Variants in RERE observed in about 807,000 individuals in gnomAD.
The protein encoded by RERE is arginine-glutamic acid dipeptide repeats protein.
In RERE, 40 loss-of-function variants were observed where a neutral mutation model predicts 146.1. The ratio of observed to expected loss-of-function variants is 0.27; its 90% CI spans 0.21 to 0.36. RERE has a LOEUF of 0.36. RERE is among the 10% of genes least tolerant of loss of function. The probability of loss-of-function intolerance (pLI) is 1.00; values close to 1 mark genes in which losing one functional copy is unlikely to be tolerated. For missense variants in RERE, 1,933 were observed against 2,138.7 expected (o/e 0.90, Z 1.90); for synonymous variants, 1,003 against 866.0 (o/e 1.16, Z -2.78).
chr1:8,522,873 C>CAA lies in RERE; in HGVS notation c.831-14200_831-14199dup, dbSNP rs375276358. ...GGGCAACAAGAGCGAGACTCCGTCT[C>CAA]AAAAAAAAAAAAAGAATGAAGTGTC... On this transcript the variant is annotated intron_variant, in intron 7 of 22. Coordinates refer to ENST00000400908, the MANE Select transcript of RERE (RefSeq NM_001042681.2). Among the ~76,000 whole-genome samples the CAA allele has an allele frequency of 2.7e-3, 343 of 127,588 alleles. 2 individuals carry two copies. The highest frequency in any genetic ancestry group is 9.3e-3 in the African/African-American group (326 of 34,894). The allele number at this position is 127,588 out of a possible 152,430, so 83.7% of individuals were successfully genotyped here. A position where few individuals can be genotyped will look rare whatever the true frequency, so the allele number is the denominator to read the frequency against.
chr1:8,680,924 C>T lies in RERE; in HGVS notation c.-144-24483G>A, dbSNP rs78132461. On this transcript the variant is annotated intron_variant, in intron 1 of 22. Coordinates refer to ENST00000400908, the MANE Select transcript of RERE (RefSeq NM_001042681.2). ...GCTTACCACTAATATGGGTCAATCT[C>T]GCAGGAATACTTGCAAAAATAAAAA... 7.9e-3 allele frequency among the ~76,000 whole-genome samples: 1,196 copies of T among 152,204 alleles called. 14 individuals carry two copies. The highest frequency in any genetic ancestry group is 0.027 in the African/African-American group (1,139 of 41,536).
Position 8,365,825 on chromosome 1 carries a change from C to A in RERE, c.1434G>T (p.Pro478=), listed in dbSNP as rs139440766. 3 of 1,614,094 alleles carry A rather than the reference C, an allele frequency of 1.9e-6. No homozygotes were observed. Among genetic ancestry groups the A allele is most frequent in the South Asian group, 2.2e-5 (2 of 91,078 alleles). The change falls in exon 13 of 23, where the codon CCG becomes CCT. Residue 478 remains proline, a synonymous_variant. Transcript: ENST00000400908. The part of the protein sequence containing the change: ...STPVNTPSRP[P]SSEFLDLSSA... ...ACCCCTACTCACAGAATTCACTGGA[C>A]GGGGGTCTGGAGGGTGTGTTGACGG...
intron 12 of RERE, among the ~76,000 whole-genome samples, chr1:8,398,509 T>C (rs907074751): frequency 2.0e-5 from 3 of 152,242 alleles, no homozygotes; most frequent in Non-Finnish European, 2.9e-5. Flanking sequence ...ACAACGACCA[T>C]CTCTACAATT....
chr1:8,673,897 G>A (rs1638776992), intron 1 of RERE, among the ~76,000 whole-genome samples: 1 of 152,108 alleles, frequency 6.6e-6, no homozygotes, highest in Non-Finnish European at 1.5e-5. Flanking sequence ...TGGGCACCTG[G>A]TGGCAAAGGC....
chr1:8,671,491 C>A (rs988010713), intron 1 of RERE, among the ~76,000 whole-genome samples: 1 of 152,090 alleles, frequency 6.6e-6, no homozygotes, highest in Non-Finnish European at 1.5e-5. Flanking sequence ...GATGGAAACA[C>A]CTCCCCCTGC....
intron 1 of RERE, among the ~76,000 whole-genome samples, chr1:8,665,568 A>T (rs1236269385): frequency 3.9e-5 from 6 of 152,226 alleles, no homozygotes; most frequent in African/African-American, 1.2e-4. Context: ...TAGGATAAGG[A>T]GACGCAAAGA....
intron 12 of RERE, among the ~76,000 whole-genome samples, chr1:8,405,950 ACT>A (rs1643426170): frequency 6.6e-6 from 1 of 151,978 alleles, no homozygotes; most frequent in African/African-American, 2.4e-5. Context: ...TTAATTTTCT[ACT>A]GTAAATTTTT....
At chr1:8,752,680 T>G (rs1055139920) in intron 1 of RERE, among the ~76,000 whole-genome samples, 1 of 152,214 alleles carries the variant, frequency 6.6e-6, no homozygotes. Flanking sequence ...CTACAGCAGA[T>G]GTTTCAAGAA....
chr1:8,510,006 C>G (rs1268689582), intron 7 of RERE, among the ~76,000 whole-genome samples: 2 of 151,590 alleles, frequency 1.3e-5, no homozygotes, highest in African/African-American at 4.9e-5. Context: ...CTTGCTTGGG[C>G]AAAGGTGGTG....
intron 12 of RERE, among the ~76,000 whole-genome samples, chr1:8,415,519 C>T (rs997190512): frequency 6.6e-5 from 10 of 152,204 alleles, no homozygotes; most frequent in Admixed American, 5.2e-4. Context: ...CTCATGCCAT[C>T]CCCACTAGTT....
intron 12 of RERE, among the ~76,000 whole-genome samples, chr1:8,419,873 T>C (rs1643871963): frequency 6.6e-6 from 1 of 152,096 alleles, no homozygotes; most frequent in Non-Finnish European, 1.5e-5. Flanking sequence ...ACAGGCATTT[T>C]ATAACGACCA....
intron 1 of RERE, chr1:8,750,380 CA>C (rs1163118638): frequency 1.5e-6 from 1 of 665,064 alleles, no homozygotes; most frequent in East Asian, 2.6e-5. Flanking sequence ...GTGAGTGTCA[CA>C]AACCCAGTAG....
At chr1:8,744,544 T>G (rs1272729262) in intron 1 of RERE, among the ~76,000 whole-genome samples, 1 of 152,170 alleles carries the variant, frequency 6.6e-6, no homozygotes, top group Non-Finnish European at 1.5e-5. Flanking sequence ...TCAGGTAATT[T>G]TGATAGAAAA....
intron 1 of RERE, among the ~76,000 whole-genome samples, chr1:8,666,751 C>G (rs1421923154): frequency 6.6e-6 from 1 of 152,178 alleles, no homozygotes; most frequent in African/African-American, 2.4e-5. Context: ...CAAACTCAGA[C>G]AGAAATAAAA....
intron 10 of RERE, among the ~76,000 whole-genome samples, chr1:8,491,258 T>C (rs1053154523): frequency 6.6e-6 from 1 of 151,326 alleles, no homozygotes; most frequent in African/African-American, 2.5e-5. Context: ...CTGACCAACA[T>C]GGCGAAACCC....
chr1:8,504,976 A>G (rs142956730), intron 8 of RERE, among the ~76,000 whole-genome samples: 132 of 152,352 alleles, frequency 8.7e-4, no homozygotes, highest in African/African-American at 2.9e-3. Flanking sequence ...GTACCAAACT[A>G]GAATGAGGCC....
At chr1:8,511,991 A>G (rs1364044072) in intron 7 of RERE, 2 of 129,398 alleles carry the variant, frequency 1.5e-5, no homozygotes, top group Admixed American at 8.2e-5. Context: ...ACATGACAGT[A>G]TCAACAGCTT....
chr1:8,570,277 A>AGTG, intron 4 of RERE, among the ~76,000 whole-genome samples: 1 of 152,080 alleles, frequency 6.6e-6, no homozygotes, highest in Non-Finnish European at 1.5e-5. Context: ...GTGGAGGTGA[A>AGTG]AGTGAAATTG....
chr1:8,659,143 G>A (rs1012803163), intron 1 of RERE, among the ~76,000 whole-genome samples: 1 of 152,252 alleles, frequency 6.6e-6, no homozygotes, highest in African/African-American at 2.4e-5. Context: ...CTGCTAAACA[G>A]ATAGTCATAA....
Sources: gnomAD v4.1 joint callset for allele counts (sites outside exome capture counted in the v4.1 genomes callset) on GRCh38, gnomAD v4.1.1 for gene constraint, MANE v1.5 for transcripts, NCBI Gene and HGNC (gene_info 2026-07-23, HGNC 2026-07-21) for gene names.